FAM107A: variants seen among roughly 807,000 people sequenced by gnomAD.
FAM107A encodes the protein actin-associated protein FAM107A.
FAM107A carries 19 observed loss-of-function variants against 13.7 expected under a neutral mutation model. That is an observed-to-expected ratio of 1.38 (90% CI 0.97 to 2.03). FAM107A has a LOEUF of 2.03. FAM107A is among the 30% of genes most tolerant of loss of function. The pLI, the probability that FAM107A is intolerant of heterozygous loss-of-function variation, is 0.00. For synonymous variants in FAM107A, 82 were observed against 74.5 expected, an observed-to-expected ratio of 1.10 and a Z score of -0.52; for missense variants, 203 against 184.4, an observed-to-expected ratio of 1.10 and a Z score of -0.58.
In FAM107A at chr3:58,622,455, C is replaced by G. The variant is rs563717403; in HGVS notation, c.-70+4961G>C. 7.9e-5 allele frequency among the ~76,000 whole-genome samples: 12 copies of G among 152,198 alleles called. No individual in the cohort carries two copies. The East Asian group carries it at 1.2e-3, about 15-fold the overall frequency. On this transcript the variant is annotated intron_variant, in intron 1 of 3. Transcript: ENST00000465970. Reference sequence around the variant, plus strand: ...GACTCTGTACTACCCCTATGCCCCCCCCAAAAGAAAGCATTTAGCATAGTG... The same window carrying G: ...GACTCTGTACTACCCCTATGCCCCCGCCAAAAGAAAGCATTTAGCATAGTG...
upstream of FAM107A, among the ~76,000 whole-genome samples, chr3:58,582,619 A>G (rs1471253319): frequency 4.6e-5 from 7 of 152,168 alleles, no homozygotes; most frequent in Admixed American, 2.6e-4. Flanking sequence ...TCCTGACTCC[A>G]TTGCTGGACA....
intron 1 of FAM107A, among the ~76,000 whole-genome samples, chr3:58,622,385 G>A (rs2065964495): frequency 6.6e-6 from 1 of 152,208 alleles, no homozygotes; most frequent in Non-Finnish European, 1.5e-5. Flanking sequence ...GGGTTGTTGT[G>A]AGCTGAGATT....
intron 1 of FAM107A, among the ~76,000 whole-genome samples, chr3:58,583,079 G>A (rs1248935891): frequency 6.6e-6 from 1 of 152,098 alleles, no homozygotes; most frequent in Non-Finnish European, 1.5e-5. Flanking sequence ...GATTACAGGC[G>A]TGAGCCACTG....
chr3:58,615,806 G>A (rs961920862), intron 1 of FAM107A, among the ~76,000 whole-genome samples: 1 of 150,364 alleles, frequency 6.7e-6, no homozygotes, highest in Non-Finnish European at 1.5e-5. Flanking sequence ...TGAGGTAGGA[G>A]GATCACTTGA....
chr3:58,603,771 G>T (rs1388715897), intron 1 of FAM107A, among the ~76,000 whole-genome samples: 1 of 152,178 alleles, frequency 6.6e-6, no homozygotes, highest in African/African-American at 2.4e-5. Context: ...GAAGGGTGCA[G>T]CTGTGAGCAA....
rs994299692 is a variant in FAM107A, at chr3:58,617,525, G to A, written c.-70+9891C>T. On this transcript the variant is annotated intron_variant, in intron 1 of 3. Transcript: ENST00000465970. The surrounding 1 kb of genome is among the most constrained non-coding windows in gnomAD (Gnocchi z 4.5). The stretch of plus-strand genomic sequence containing the variant: ...GTTCCAGCTCCTCGCCTTTCTCTCC[G>A]CCCCAGGCCCTGAGATCTGATCTCT... 6.6e-5 allele frequency among the ~76,000 whole-genome samples: 10 copies of A among 151,978 alleles called. No homozygotes were observed. The highest frequency in any genetic ancestry group is 4.2e-4 in the South Asian group (2 of 4,814).
At chr3:58,622,644 CA>C (rs2065967113) in intron 1 of FAM107A, among the ~76,000 whole-genome samples, 1 of 152,166 alleles carries the variant, frequency 6.6e-6, no homozygotes, top group Non-Finnish European at 1.5e-5. Context: ...GGCTGGAATG[CA>C]GAGAAGTGTT....
upstream of FAM107A, among the ~76,000 whole-genome samples, chr3:58,589,470 T>C (rs1055840202): frequency 2.6e-5 from 4 of 152,174 alleles, no homozygotes; most frequent in East Asian, 7.7e-4. Context: ...CCCACATGCG[T>C]ATTTATGAGA....
rs2065916282 is a variant in FAM107A at position 58,617,680 on chromosome 3, C to G, written c.-70+9736G>C. Among the ~76,000 whole-genome samples, 1 of 152,032 alleles carries G rather than the reference C, an allele frequency of 6.6e-6. No homozygotes were observed. Among genetic ancestry groups the G allele is most frequent in the Non-Finnish European group, 1.5e-5 (1 of 67,996 alleles). On this transcript the variant is annotated intron_variant, in intron 1 of 3. Transcript: ENST00000465970. This position sits in a 1 kb window ranked among gnomAD's most constrained non-coding sequence, Gnocchi z 4.5. ...CGAGAAAACCGGCTTTTGATTTGGC[C>G]CCTCTTGCACCACCTCCAAACCCTT...
chr3:58,570,818 A>G (rs2063676460), intron 1 of FAM107A, among the ~76,000 whole-genome samples: 1 of 152,208 alleles, frequency 6.6e-6, no homozygotes, highest in Admixed American at 6.5e-5. Context: ...CTGGTCTGGT[A>G]TGCAGTAGGC....
upstream of FAM107A, among the ~76,000 whole-genome samples, chr3:58,581,397 GT>G (rs2065540719): frequency 6.6e-6 from 1 of 152,190 alleles, no homozygotes; most frequent in Non-Finnish European, 1.5e-5. Context: ...AACAGCTTTT[GT>G]TTCATTTTTG....
intron 1 of FAM107A, 143 bp from the exon 2 acceptor site, chr3:58,570,008 T>C (rs544026336): frequency 2.8e-5 from 20 of 718,540 alleles, no homozygotes; most frequent in Non-Finnish European, 4.2e-5. Flanking sequence ...GCTACCTGAC[T>C]TTCTGAGCCT....
At chr3:58,615,400 C>T (rs2108081393) in intron 1 of FAM107A, among the ~76,000 whole-genome samples, 1 of 152,286 alleles carries the variant, frequency 6.6e-6, no homozygotes, top group East Asian at 1.9e-4. Context: ...ATTTTAGTTG[C>T]TTCCTCCAAG....
upstream of FAM107A, among the ~76,000 whole-genome samples, chr3:58,587,810 T>G (rs1353176837): frequency 6.6e-6 from 1 of 152,190 alleles, no homozygotes; most frequent in African/African-American, 2.4e-5. Context: ...ATCTATTCTG[T>G]GTCTGGTGCT....
chr3:58,576,363 T>C lies in FAM107A; in HGVS notation c.-6+946A>G, dbSNP rs545860169. Among the ~76,000 whole-genome samples the C allele has an allele frequency of 2.0e-5, 3 of 152,352 alleles. No individual in the cohort carries two copies. In the East Asian group the frequency reaches 5.8e-4, roughly 29 times the overall value. On this transcript the variant is annotated intron_variant, in intron 1 of 3. Transcript: ENST00000360997. ...TCCAGGGCTAGACATGGAGGATACT[T>C]AGCAAGGTTAGTGGACAGCATTGTG...
chr3:58,586,996 C>G, exon 1 of FAM107A: 3 of 1,463,808 alleles, frequency 2.0e-6, no homozygotes, highest in South Asian at 1.3e-5. Flanking sequence ...ACAGCAGGAG[C>G]GTAGTCCGGA....
intron 3 of FAM107A, 88 bp downstream of exon 3, chr3:58,567,120 C>T (rs2063629691): frequency 6.7e-7 from 1 of 1,482,556 alleles, no homozygotes; most frequent in African/African-American, 1.4e-5. Context: ...GATCCTCTTC[C>T]CTCTTACTAG....
chr3:58,612,988 C>T (rs1406113009), intron 1 of FAM107A, among the ~76,000 whole-genome samples: 1 of 152,042 alleles, frequency 6.6e-6, no homozygotes, highest in East Asian at 1.9e-4. Flanking sequence ...GAATTGACGG[C>T]GCACAGGGAA....
At chr3:58,593,195 C>G (rs1281292752) in intron 1 of FAM107A, among the ~76,000 whole-genome samples, 1 of 152,174 alleles carries the variant, frequency 6.6e-6, no homozygotes, top group Non-Finnish European at 1.5e-5. Flanking sequence ...AGTGCTCTCC[C>G]CTACTTCCCT....
Sources: gnomAD v4.1 joint callset for allele counts (sites outside exome capture counted in the v4.1 genomes callset) on GRCh38, gnomAD v4.1.1 for gene constraint, Gnocchi (gnomAD v3.1) non-coding constraint, MANE v1.5 for transcripts, NCBI Gene and HGNC (gene_info 2026-07-23, HGNC 2026-07-21) for gene names.